The following TSR2 variants were observed in gnomAD, a reference collection of about 807,000 sequenced individuals.
TSR2 encodes the protein pre-rRNA-processing protein TSR2 homolog.
A neutral mutation model predicts 13.3 loss-of-function variants in TSR2; 1 was observed. That is an observed-to-expected ratio of 0.08 (90% CI 0.03 to 0.36). The LOEUF (loss-of-function observed/expected upper bound fraction) is 0.36. Among genes scored for constraint, TSR2 ranks in the 10% least tolerant of loss-of-function variants. TSR2 has a pLI of 0.99. For missense variants in TSR2, 120 were observed against 151.1 expected (o/e 0.79, Z 1.08); for synonymous variants, 60 against 57.7 (o/e 1.04, Z -0.18).
At chrX:54,443,513 C>T in intron 3 of TSR2, 22 bp downstream of exon 3, 1 of 1,086,203 alleles carries the variant, frequency 9.2e-7, no homozygotes, top group Non-Finnish European at 1.3e-6. Context: ...ACGGGCACAA[C>T]TGCAGTCTCC....
Position 54,446,525 on chromosome X carries a change from TC to T in TSR2, c.*1979del, listed in dbSNP as rs1254216060. 1.7e-5 allele frequency: 12 copies of T among 710,764 alleles called. No homozygotes were observed. The highest frequency in any genetic ancestry group is 2.3e-5 in the Non-Finnish European group (11 of 482,497). 58.6% of individuals were successfully genotyped at this position (710,764 alleles called of 1,213,427 possible). The stretch of plus-strand genomic sequence containing the variant: ...TGTCTTCAGTCCCCTACTCAGGAAC[TC>T]CCCTACTCAGGAACCTTCCGTGGCT... On this transcript the variant is annotated 3_prime_UTR_variant, in exon 5 of 5. Transcript: ENST00000375151.
rs1922072235 is a variant in TSR2 at position 54,444,893 on chromosome X, G to A, written c.*343G>A. 7.4e-6 allele frequency: 1 copy of A among 135,584 alleles called. No homozygotes were observed. The highest frequency in any genetic ancestry group is 2.0e-4 in the East Asian group (1 of 4,885). 11.2% of individuals were successfully genotyped at this position (135,584 alleles called of 1,213,427 possible). A position where few individuals can be genotyped will look rare whatever the true frequency, so the allele number is the denominator to read the frequency against. On this transcript the variant is annotated 3_prime_UTR_variant, in exon 5 of 5. Coordinates refer to ENST00000375151, the MANE Select transcript of TSR2 (RefSeq NM_058163.3). The stretch of plus-strand genomic sequence containing the variant: ...GGAGCTAGATGCCGGTGGACAGTGG[G>A]CAGGTGGATTTGGGGAGGAGAGGAT...
At position 54,440,428 on chromosome X, in the gene TSR2, G is replaced by A. The variant is rs1340416091; in HGVS notation, c.7G>A (p.Gly3Ser). 1 of 1,122,016 alleles carries A rather than the reference G, an allele frequency of 8.9e-7. No homozygotes were observed. Among genetic ancestry groups the A allele is most frequent in the Non-Finnish European group, 1.2e-6 (1 of 854,462 alleles). 92.5% of individuals were successfully genotyped at this position (1,122,016 alleles called of 1,213,427 possible). A position where few individuals can be genotyped will look rare whatever the true frequency, so the allele number is the denominator to read the frequency against. The change falls in exon 1 of 5, where the codon GGC (glycine) becomes AGC (serine). Residue 3 changes from glycine to serine, a missense_variant. Physicochemically the swap from Gly to Ser is moderately conservative, Grantham distance 56. Transcript: ENST00000375151. MAGAAEDARALFR... is the reference protein window; with the variant it reads MASAAEDARALFR... ...CGTGGACTGGGGCCGGATAATGGCG[G>A]GCGCTGCAGAAGATGCGCGAGCTCT...
chrX:54,444,017 C>A lies in TSR2; in HGVS notation c.274C>A (p.Gln92Lys), dbSNP rs1922024770. Residue 92 changes from glutamine (Q) to lysine (K), a missense_variant, in exon 4 of 5, where the codon CAA becomes AAA. By Grantham distance (53) the Gln-to-Lys change is moderately conservative. Coordinates refer to ENST00000375151, the MANE Select transcript of TSR2 (RefSeq NM_058163.3). ...EDGSLPQVSQQLQTMFHHFQR... is the reference protein window; with the variant it reads ...EDGSLPQVSQKLQTMFHHFQR... The stretch of plus-strand genomic sequence containing the variant: ...AATATTTTCTTGGTAGGTGAGCCAG[C>A]AACTGCAGACCATGTTCCACCACTT... 16 of 1,209,071 alleles carry A rather than the reference C, an allele frequency of 1.3e-5. No individual in the cohort carries two copies. The highest frequency in any genetic ancestry group is 1.8e-5 in the Non-Finnish European group (16 of 894,160).
At chrX:54,441,440 A>G (rs947375557) in intron 2 of TSR2, among the ~76,000 whole-genome samples, 17 of 111,888 alleles carry the variant, frequency 1.5e-4, no homozygotes, top group Non-Finnish European at 3.0e-4. Context: ...TGGAGATGAC[A>G]TTAGGCAGAG....
chrX:54,447,078 C>G lies in TSR2; in HGVS notation c.*2528C>G, dbSNP rs916827006. Among the ~76,000 whole-genome samples the G allele has an allele frequency of 5.4e-5, 6 of 111,766 alleles. No individual in the cohort carries two copies. Among genetic ancestry groups the G allele is most frequent in the African/African-American group, 1.9e-4 (6 of 30,771 alleles). On this transcript the variant is annotated 3_prime_UTR_variant, in exon 5 of 5. Coordinates refer to ENST00000375151, the MANE Select transcript of TSR2 (RefSeq NM_058163.3). ...TGGACCTAGCAGTTCCCCATCTCTA[C>G]TCCTTCCAGGAAGCCAGGCCCACAA...
intron 2 of TSR2, among the ~76,000 whole-genome samples, chrX:54,441,881 G>A (rs1213978620): frequency 8.9e-6 from 1 of 111,745 alleles, no homozygotes; most frequent in Non-Finnish European, 1.9e-5. Context: ...TCTGTTAGAT[G>A]TTCAGTGAAG....
At chrX:54,440,867 A>T in intron 2 of TSR2, 87 bp downstream of exon 2, 1 of 767,417 alleles carries the variant, frequency 1.3e-6, no homozygotes, top group Non-Finnish European at 1.9e-6. Flanking sequence ...TTTCCTCTCG[A>T]GCAGTTGTGG....
At chrX:54,440,604 G>A in intron 1 of TSR2, 86 bp from the exon 2 acceptor site, 1 of 1,130,343 alleles carries the variant, frequency 8.8e-7, no homozygotes. Flanking sequence ...GGCATAAGAG[G>A]AGTTGGCTGG....
rs968233163 is a variant in TSR2, at chrX:54,446,263, C to T, written c.*1713C>T. 2 of 1,211,989 alleles carry T rather than the reference C, an allele frequency of 1.7e-6. No individual in the cohort carries two copies. The highest frequency in any genetic ancestry group is 2.2e-6 in the Non-Finnish European group (2 of 895,516). On this transcript the variant is annotated 3_prime_UTR_variant, in exon 5 of 5. Transcript: ENST00000375151. ...CGCCCGGCCAAGCACAGCCATCCAG[C>T]GTCGCTGTAGTTCCTCTGTCTCAGG...
In TSR2 at chrX:54,444,564, G is replaced by A. The variant is rs1280863240; in HGVS notation, c.*14G>A. On this transcript the variant is annotated 3_prime_UTR_variant, in exon 5 of 5. Transcript: ENST00000375151. ...AGAAAAAAATGAGTGGGGATGATTG[G>A]AAATGGCTTTGGGCCCTTATTTGCT... is the stretch of plus-strand genomic sequence containing the variant. 1 of 1,205,945 alleles carries A rather than the reference G, an allele frequency of 8.3e-7. No homozygotes were observed. Among genetic ancestry groups the A allele is most frequent in the Non-Finnish European group, 1.1e-6 (1 of 893,339 alleles).
chrX:54,443,309 C>T, intron 2 of TSR2, 91 bp from the exon 3 acceptor site: 1 of 615,327 alleles, frequency 1.6e-6, no homozygotes, highest in Non-Finnish European at 2.6e-6. Context: ...CACCCAGTTG[C>T]AGATCCACCA....
At chrX:54,441,739 G>A (rs1479795690) in intron 2 of TSR2, among the ~76,000 whole-genome samples, 1 of 111,172 alleles carries the variant, frequency 9.0e-6, no homozygotes, top group African/African-American at 3.3e-5. Context: ...GTGTGCGTGG[G>A]GGGTGGAGGA....
chrX:54,446,311 C>G lies in TSR2; in HGVS notation c.*1761C>G. The G allele has an allele frequency of 8.3e-7, 1 of 1,211,532 alleles. No homozygotes were observed. Among genetic ancestry groups the G allele is most frequent in the Non-Finnish European group, 1.1e-6 (1 of 895,311 alleles). ...AGGGCTGAAGTACCAGCTGAGGTGG[C>G]TCTGGGTGATCTTGAAGACATGCCT... On this transcript the variant is annotated 3_prime_UTR_variant, in exon 5 of 5. Coordinates refer to ENST00000375151, the MANE Select transcript of TSR2 (RefSeq NM_058163.3).
intron 2 of TSR2, among the ~76,000 whole-genome samples, chrX:54,443,061 G>T (rs1391120525): frequency 1.8e-5 from 2 of 111,620 alleles, no homozygotes; most frequent in Non-Finnish European, 3.8e-5. Flanking sequence ...GAGGGTGAGT[G>T]TAGGGCTGGG....
In TSR2 at chrX:54,447,380, T is replaced by C. The variant is rs1390875564; in HGVS notation, c.*2830T>C. 5 of 1,210,401 alleles carry C rather than the reference T, an allele frequency of 4.1e-6. No individual in the cohort carries two copies. Among genetic ancestry groups the C allele is most frequent in the Non-Finnish European group, 3.4e-6 (3 of 895,119 alleles). Reference sequence around the variant, plus strand: ...GGACCACGAACCATGCCTTGTGCCATCCTTTGCCACCCTTCTCCATGTAGT... The same window carrying C: ...GGACCACGAACCATGCCTTGTGCCACCCTTTGCCACCCTTCTCCATGTAGT... On this transcript the variant is annotated 3_prime_UTR_variant, in exon 5 of 5. Coordinates refer to ENST00000375151, the MANE Select transcript of TSR2 (RefSeq NM_058163.3).
chrX:54,441,088 T>C (rs890858580), intron 2 of TSR2, among the ~76,000 whole-genome samples: 1 of 112,217 alleles, frequency 8.9e-6, no homozygotes, highest in African/African-American at 3.2e-5. Context: ...TCACATATAA[T>C]TTAAAATTTT....
rs1922214509 is a variant in TSR2 at position 54,446,922 on chromosome X, C to A, written c.*2372C>A. On this transcript the variant is annotated 3_prime_UTR_variant, in exon 5 of 5. Transcript: ENST00000375151. ...TATTTTTAGTAGAGACGGGGTTTCA[C>A]CATGTTGGCCAGGCTGGTCTTGAAC... 9.1e-6 allele frequency among the ~76,000 whole-genome samples: 1 copy of A among 110,078 alleles called. No homozygotes were observed. The highest frequency in any genetic ancestry group is 9.8e-5 in the Admixed American group (1 of 10,238).
rs1922000770 is a variant in TSR2, at chrX:54,443,450, A to G, written c.223A>G (p.Asn75Asp). The change falls in exon 3 of 5, where the codon AAC becomes GAC. Residue 75 changes from asparagine to aspartate, a missense_variant. Physicochemically the swap from Asn to Asp is conservative, Grantham distance 23 (BLOSUM62 1). Around this residue, in one of 3 missense-constraint regions of TSR2, gnomAD observed 12 missense variants for 37.5 expected, o/e 0.32. Transcript: ENST00000375151. ...VEDFLGELLT[N>D]EFDTVVEDGS... Reference sequence around the variant, plus strand: ...AGACTTCCTTGGAGAGCTGTTGACCAACGAGTTTGATACAGTTGTGGAAGA... The same window carrying G: ...AGACTTCCTTGGAGAGCTGTTGACCGACGAGTTTGATACAGTTGTGGAAGA... 8.3e-7 allele frequency: 1 copy of G among 1,205,886 alleles called. No homozygotes were observed. The highest frequency in any genetic ancestry group is 1.1e-6 in the Non-Finnish European group (1 of 893,760).
Sources: allele counts gnomAD v4.1 joint callset (sites outside exome capture counted in the v4.1 genomes callset), GRCh38; gene constraint gnomAD v4.1.1; regional missense constraint gnomAD v4.1.1; transcripts MANE v1.5; gene names NCBI Gene and HGNC (gene_info 2026-07-23, HGNC 2026-07-21).